ADH1B: variants seen among roughly 807,000 people sequenced by gnomAD.
The protein encoded by ADH1B is alcohol dehydrogenase 1B (class I), beta polypeptide.
A neutral mutation model predicts 34.6 loss-of-function variants in ADH1B; 29 were observed. That is an observed-to-expected ratio of 0.84 (90% confidence interval 0.62 to 1.14). ADH1B has a LOEUF of 1.14. ADH1B is among the 50% of genes most tolerant of loss of function. The pLI, the probability that ADH1B is intolerant of heterozygous loss-of-function variation, is 0.00. For missense variants in ADH1B, 424 were observed against 468.4 expected (o/e 0.91, Z 0.87); for synonymous variants, 170 against 175.5 (o/e 0.97, Z 0.25).
At chr4:99,308,188 C>G (rs890260990) in intron 8 of ADH1B, among the ~76,000 whole-genome samples, 5 of 151,968 alleles carry the variant, frequency 3.3e-5, no homozygotes, top group African/African-American at 1.2e-4. Context: ...GAATATAAAA[C>G]AACAGTGGAT....
chr4:99,312,265 G>A (rs1202609189), intron 6 of ADH1B, among the ~76,000 whole-genome samples: 1 of 152,134 alleles, frequency 6.6e-6, no homozygotes, highest in Non-Finnish European at 1.5e-5. Context: ...GACATCCTCA[G>A]AACATGTGGC....
At chr4:99,319,059 G>C in intron 1 of ADH1B, 173 bp from the exon 2 acceptor site, 1 of 801,242 alleles carries the variant, frequency 1.2e-6, no homozygotes, top group Non-Finnish European at 2.2e-6. Flanking sequence ...CTTTTAAAAA[G>C]CAATAACATA....
intron 3 of ADH1B, chr4:99,316,779 C>A (rs955955434): frequency 6.6e-6 from 1 of 151,568 alleles, no homozygotes; most frequent in African/African-American, 2.4e-5. Flanking sequence ...TTAACCAATT[C>A]TTGACTTTTC....
chr4:99,310,995 G>C (rs189599797), intron 7 of ADH1B, 92 bp from the exon 8 acceptor site: 674 of 1,467,374 alleles, frequency 4.6e-4, no homozygotes, highest in Non-Finnish European at 6.1e-4. Flanking sequence ...GTTTAGAAAA[G>C]GTGCTCCATT....
In ADH1B at chr4:99,306,149, C is replaced by G. The variant is rs954281723; in HGVS notation, c.*1691G>C. On this transcript the variant is annotated 3_prime_UTR_variant, in exon 9 of 9. Transcript: ENST00000305046. ...GCCTCCTGAGTAGCTGGGATTACAG[C>G]CACCTGCCACCATGCCTGGCAAATT... is the stretch of plus-strand genomic sequence containing the variant. The G allele has an allele frequency of 6.6e-6, 1 of 152,060 alleles. No individual in the cohort carries two copies. Among genetic ancestry groups the G allele is most frequent in the Non-Finnish European group, 1.5e-5 (1 of 68,042 alleles). 9.4% of individuals were successfully genotyped at this position (152,060 alleles called of 1,614,324 possible).
At chr4:99,309,851 G>A (rs1733705532) in intron 8 of ADH1B, among the ~76,000 whole-genome samples, 1 of 152,074 alleles carries the variant, frequency 6.6e-6, no homozygotes, top group Non-Finnish European at 1.5e-5. Flanking sequence ...GATAATGCAG[G>A]TAAGACACTT....
Position 99,321,346 on chromosome 4 carries a change from C to T in ADH1B, c.-15G>A. 6.2e-7 allele frequency: 1 copy of T among 1,608,030 alleles called. No homozygotes were observed. Among genetic ancestry groups the T allele is most frequent in the Non-Finnish European group, 8.5e-7 (1 of 1,176,390 alleles). The stretch of plus-strand genomic sequence containing the variant: ...GCTGTGCTCATGTCGTTTCTGTCTT[C>T]TCTGCCCACCAGCAGACTGTGAGTC... On this transcript the variant is annotated 5_prime_UTR_variant, in exon 1 of 9. Coordinates refer to ENST00000305046, the MANE Select transcript of ADH1B (RefSeq NM_000668.6).
rs1197240628 is a variant in ADH1B, at chr4:99,311,444, ATATATTGAGAT to A, written c.964+66_964+76del. On this transcript the variant is annotated intron_variant, in intron 7 of 8. Transcript: ENST00000305046. Reference sequence around the variant, plus strand: ...TGCCTTGTCAATTGTAAAAGGGCATATATATTGAGATTATATTGAGATTAATGAGATATATT... The same window carrying A: ...TGCCTTGTCAATTGTAAAAGGGCATATATATTGAGATTAATGAGATATATT... 4.7e-6 allele frequency: 7 copies of A among 1,487,450 alleles called. No individual in the cohort carries two copies. In the African/African-American group the frequency reaches 8.4e-5, roughly 18 times the overall value. The allele number at this position is 1,487,450 out of a possible 1,614,324, so 92.1% of individuals were successfully genotyped here.
chr4:99,314,250 G>C (rs1733825237), intron 5 of ADH1B, 169 bp from the exon 6 acceptor site: 1 of 1,125,984 alleles, frequency 8.9e-7, no homozygotes, highest in Admixed American at 2.9e-5. Context: ...AAATTCAAGG[G>C]GATGAACTAG....
intron 8 of ADH1B, among the ~76,000 whole-genome samples, chr4:99,309,935 T>C (rs556123999): frequency 2.8e-4 from 43 of 152,264 alleles, no homozygotes; most frequent in Non-Finnish European, 5.1e-4. Flanking sequence ...AAGTACCTAG[T>C]ATAATGATTT....
intron 1 of ADH1B, chr4:99,320,805 A>G: frequency 8.4e-7 from 1 of 1,195,250 alleles, no homozygotes; most frequent in South Asian, 1.6e-5. Flanking sequence ...TGATGATTCT[A>G]ATGCTGTGAA....
At position 99,313,983 on chromosome 4, in the gene ADH1B, C is replaced by T. The variant is rs2018417; in HGVS notation, c.666G>A (p.Ala222=). 14 of 1,614,006 alleles carry T rather than the reference C, an allele frequency of 8.7e-6. No homozygotes were observed. Among genetic ancestry groups the T allele is most frequent in the Admixed American group, 1.7e-5 (1 of 59,994 alleles). ...CKAAGAARII[A]VDINKDKFAK... ...CAAATTTGTCCTTGTTGATGTCCAC[C>T]GCAATGATTCTGGCTGCTCCAGCTG... The change falls in exon 6 of 9, where the codon GCG becomes GCA. Residue 222 remains alanine (A), a synonymous_variant. Transcript: ENST00000305046.
At chr4:99,317,940 T>C in intron 3 of ADH1B, 106 bp downstream of exon 3, 1 of 1,539,910 alleles carries the variant, frequency 6.5e-7, no homozygotes, top group Non-Finnish European at 8.7e-7. Flanking sequence ...GGCTGCGCGG[T>C]GACCTTGTGC....
chr4:99,313,088 G>A (rs755942127), intron 6 of ADH1B, among the ~76,000 whole-genome samples: 11 of 150,496 alleles, frequency 7.3e-5, no homozygotes, highest in South Asian at 2.1e-4. Flanking sequence ...GTGCAATGGC[G>A]CGATCTTGGC....
In ADH1B at chr4:99,310,872, A is replaced by G; in HGVS notation, c.996T>C (p.Leu332=). ...ACTTCTTAGCCATAAAATCAGCCAC[A>G]AGTTTTGGGATACCTTCTTTACTCT... ...GFKSKEGIPK[L]VADFMAKKFS... is the part of the protein sequence containing the mutation. Residue 332 remains leucine (L), a synonymous_variant, in exon 8 of 9, where the codon CTT becomes CTC. Coordinates refer to ENST00000305046, the MANE Select transcript of ADH1B (RefSeq NM_000668.6). The G allele has an allele frequency of 1.2e-6, 2 of 1,613,562 alleles. No individual in the cohort carries two copies. Among genetic ancestry groups the G allele is most frequent in the South Asian group, 1.1e-5 (1 of 91,016 alleles).
chr4:99,308,576 A>G (rs1733673456), intron 8 of ADH1B, among the ~76,000 whole-genome samples: 1 of 152,046 alleles, frequency 6.6e-6, no homozygotes, highest in Admixed American at 6.6e-5. Context: ...GAAGATTACA[A>G]ATGGAACATT....
rs1733756001 is a variant in ADH1B at position 99,311,609 on chromosome 4, G to A, written c.876C>T (p.Ile292=). The A allele has an allele frequency of 1.9e-6, 3 of 1,614,022 alleles. No individual in the cohort carries two copies. Among genetic ancestry groups the A allele is most frequent in the African/African-American group, 1.3e-5 (1 of 75,026 alleles). The change falls in exon 7 of 9, where the codon ATC becomes ATT. Residue 292 remains isoleucine (I), a synonymous_variant. Transcript: ENST00000305046. ...TCTGGGAAGCAGGAGGTACCCCTAC[G>A]ATGACGCTTGTGCCACATGCCTCAT... ...CCHEACGTSV[I]VGVPPASQNL... is the part of the protein sequence containing the mutation.
At position 99,316,306 on chromosome 4, in the gene ADH1B, G is replaced by T; in HGVS notation, c.260-4C>A. 6.2e-7 allele frequency: 1 copy of T among 1,612,142 alleles called. No individual in the cohort carries two copies. The highest frequency in any genetic ancestry group is 1.1e-5 in the South Asian group (1 of 91,040). Reference sequence around the variant, plus strand: ...AAGAGCGGGATGACTTTATCACCTGGAGAGGAATAAAACAAGTTCTTCTTA... The same window carrying T: ...AAGAGCGGGATGACTTTATCACCTGTAGAGGAATAAAACAAGTTCTTCTTA... On this transcript the variant is annotated splice_region_variant and splice_polypyrimidine_tract_variant and intron_variant, in intron 3 of 8. Transcript: ENST00000305046.
intron 8 of ADH1B, among the ~76,000 whole-genome samples, chr4:99,308,787 AC>A (rs1478080477): frequency 1.3e-5 from 2 of 152,020 alleles, no homozygotes; most frequent in Non-Finnish European, 2.9e-5. Context: ...TAATCCCACA[AC>A]CTAGAAATAA....
Sources: allele counts gnomAD v4.1 joint callset (sites outside exome capture counted in the v4.1 genomes callset), GRCh38; gene constraint gnomAD v4.1.1; transcripts MANE v1.5; gene names NCBI Gene and HGNC (gene_info 2026-07-23, HGNC 2026-07-21).